The following TTLL11 variants were observed in gnomAD, a reference collection of about 807,000 sequenced individuals.
TTLL11 encodes the protein tubulin tyrosine ligase like 11.
A neutral mutation model predicts 51.7 loss-of-function variants in TTLL11; 42 were observed. The observed-to-expected ratio is 0.81, with a 90% CI of 0.64 to 1.05. The LOEUF (loss-of-function observed/expected upper bound fraction) is 1.05. Ranked by LOEUF, TTLL11 falls within the 50% of genes least tolerant of loss-of-function variation. TTLL11 has a pLI of 0.00. For missense variants in TTLL11, 799 were observed against 940.4 expected (o/e 0.85, Z 1.97); for synonymous variants, 381 against 383.5 (o/e 0.99, Z 0.08).
chr9:121,944,224 C>G (rs922664712), intron 6 of TTLL11, among the ~76,000 whole-genome samples: 1 of 152,092 alleles, frequency 6.6e-6, no homozygotes, highest in Non-Finnish European at 1.5e-5. Flanking sequence ...TATTGAGTTC[C>G]GGGCCTGGTG....
At chr9:122,028,327 T>C (rs10116943) in intron 3 of TTLL11, among the ~76,000 whole-genome samples, 55,809 of 151,738 alleles carry the variant, frequency 0.37, 11,481 homozygotes, top group African/African-American at 0.55. Flanking sequence ...TAAAAGACCA[T>C]ACTCAGTTTC....
chr9:121,857,215 A>G (rs1426501432), intron 8 of TTLL11, among the ~76,000 whole-genome samples: 1 of 152,212 alleles, frequency 6.6e-6, no homozygotes, highest in East Asian at 1.9e-4. Context: ...TCTCTGCTCC[A>G]GTTCTGTCCT....
intron 1 of TTLL11, among the ~76,000 whole-genome samples, chr9:122,079,578 G>A (rs1252839259): frequency 3.3e-5 from 5 of 151,896 alleles, no homozygotes; most frequent in East Asian, 3.9e-4. Context: ...GCGTGGTGGC[G>A]GGCGCCTATG....
intron 6 of TTLL11, among the ~76,000 whole-genome samples, chr9:121,962,153 G>A (rs968704074): frequency 3.3e-5 from 5 of 152,204 alleles, no homozygotes; most frequent in Non-Finnish European, 5.9e-5. Context: ...TTTTTATTAA[G>A]TAAAAAGTTA....
chr9:121,882,393 T>G (rs889673796), intron 6 of TTLL11, among the ~76,000 whole-genome samples: 1 of 152,184 alleles, frequency 6.6e-6, no homozygotes, highest in Non-Finnish European at 1.5e-5. Flanking sequence ...GCCCACATAC[T>G]GTTCTCTCAA....
At chr9:121,867,595 C>A (rs1001166591) in intron 7 of TTLL11, among the ~76,000 whole-genome samples, 1 of 152,162 alleles carries the variant, frequency 6.6e-6, no homozygotes, top group African/African-American at 2.4e-5. Flanking sequence ...ACCTTTCTAA[C>A]TTCTAAATTT....
intron 1 of TTLL11, among the ~76,000 whole-genome samples, chr9:122,050,054 C>T (rs2131846494): frequency 6.6e-6 from 1 of 152,158 alleles, no homozygotes; most frequent in Non-Finnish European, 1.5e-5. Context: ...CAGCGAGACC[C>T]CAGCTCAAGC....
At chr9:122,055,358 C>A (rs975218615) in intron 1 of TTLL11, among the ~76,000 whole-genome samples, 2 of 152,100 alleles carry the variant, frequency 1.3e-5, no homozygotes, top group African/African-American at 2.4e-5. Context: ...ACTTGGAATC[C>A]GATGTTCAAA....
At chr9:121,934,657 C>T (rs887437338) in intron 6 of TTLL11, among the ~76,000 whole-genome samples, 2 of 152,220 alleles carry the variant, frequency 1.3e-5, no homozygotes, top group South Asian at 4.1e-4. Flanking sequence ...CCATGAAAAA[C>T]ATTCTGATTG....
chr9:121,979,740 C>T (rs1842788875), intron 4 of TTLL11, among the ~76,000 whole-genome samples: 1 of 152,108 alleles, frequency 6.6e-6, no homozygotes, highest in Non-Finnish European at 1.5e-5. Context: ...AGACTATTAA[C>T]AATCCTTTGC....
intron 3 of TTLL11, among the ~76,000 whole-genome samples, chr9:122,005,147 T>C (rs551867110): frequency 2.6e-5 from 4 of 152,248 alleles, no homozygotes; most frequent in Admixed American, 6.5e-5. Flanking sequence ...CCTTGAGAAA[T>C]AGTAAATTGC....
At chr9:121,897,322 G>C (rs892684536) in intron 6 of TTLL11, among the ~76,000 whole-genome samples, 3 of 152,140 alleles carry the variant, frequency 2.0e-5, no homozygotes, top group Non-Finnish European at 4.4e-5. Flanking sequence ...AGATCACACA[G>C]CTAGCACGCG....
At chr9:121,837,801 C>T (rs766372689) in intron 8 of TTLL11, among the ~76,000 whole-genome samples, 10 of 152,176 alleles carry the variant, frequency 6.6e-5, no homozygotes, top group African/African-American at 1.9e-4. Flanking sequence ...AAAGGGCTCA[C>T]GCCAAACGCC....
At chr9:122,046,812 G>A (rs771693158) in intron 1 of TTLL11, among the ~76,000 whole-genome samples, 3 of 152,152 alleles carry the variant, frequency 2.0e-5, no homozygotes, top group African/African-American at 4.8e-5. Context: ...GCAAGATAGC[G>A]AGGAGAACCA....
intron 1 of TTLL11, among the ~76,000 whole-genome samples, chr9:122,055,939 A>G (rs1845281676): frequency 6.6e-6 from 1 of 152,256 alleles, no homozygotes; most frequent in African/African-American, 2.4e-5. Context: ...CAGGAGCCCA[A>G]GTTGCTGGTC....
At chr9:122,010,306 G>A (rs933177124) in intron 3 of TTLL11, among the ~76,000 whole-genome samples, 2 of 152,138 alleles carry the variant, frequency 1.3e-5, no homozygotes, top group African/African-American at 4.8e-5. Context: ...TGCTTAAAAC[G>A]AAAATACATC....
At position 121,932,543 on chromosome 9, in the gene TTLL11, T is replaced by C. The variant is rs535770598; in HGVS notation, c.1481+41466A>G. Among the ~76,000 whole-genome samples the C allele has an allele frequency of 3.9e-5, 6 of 152,272 alleles. No homozygotes were observed. The East Asian group carries it at 1.2e-3, about 29-fold the overall frequency. ...GGAAAAGAGACTCATCCACAATCAT[T>C]AGCAGCCAGTGGAAGCGCCATTCCC... On this transcript the variant is annotated intron_variant, in intron 6 of 8. Transcript: ENST00000321582.
At chr9:121,845,214 A>G (rs7041893) in intron 8 of TTLL11, among the ~76,000 whole-genome samples, 101,906 of 151,958 alleles carry the variant, frequency 0.67, 34,600 homozygotes, top group East Asian at 0.79. Context: ...TACACCAGCC[A>G]TCTCACCTAA....
chr9:121,830,750 G>A (rs1486229001), intron 8 of TTLL11, among the ~76,000 whole-genome samples: 6 of 152,170 alleles, frequency 3.9e-5, no homozygotes, highest in Non-Finnish European at 7.3e-5. Flanking sequence ...GCCCTTCCCT[G>A]TCTGGGCTAT....
Sources: gnomAD v4.1 joint callset for allele counts (sites outside exome capture counted in the v4.1 genomes callset) on GRCh38, gnomAD v4.1.1 for gene constraint, MANE v1.5 for transcripts, NCBI Gene and HGNC (gene_info 2026-07-23, HGNC 2026-07-21) for gene names.